Variants in DIP2A observed in about 807,000 individuals in gnomAD.
DIP2A encodes DIP2 acetate--CoA ligase A, also known as disco-interacting protein 2 homolog A.
In DIP2A, 85 loss-of-function variants were observed where a neutral mutation model predicts 177.4. The observed-to-expected ratio is 0.48, with a 90% CI of 0.40 to 0.57. DIP2A has a LOEUF of 0.57. DIP2A is among the 20% of genes least tolerant of loss of function. The pLI, the probability that DIP2A is intolerant of heterozygous loss-of-function variation, is 0.00. For missense variants in DIP2A, 1,791 were observed against 2,100.2 expected (o/e 0.85, Z 2.88); for synonymous variants, 886 against 881.8 (o/e 1.00, Z -0.08).
intron 1 of DIP2A, among the ~76,000 whole-genome samples, chr21:46,473,466 A>AG (rs1324772005): frequency 5.1e-5 from 7 of 137,474 alleles, no homozygotes; most frequent in East Asian, 2.6e-4. Context: ...GGGAAAAAAA[A>AG]AGGGGGGGGG....
intron 5 of DIP2A, among the ~76,000 whole-genome samples, chr21:46,500,263 C>T (rs955622248): frequency 2.0e-5 from 3 of 152,168 alleles, no homozygotes; most frequent in African/African-American, 7.2e-5. Context: ...AAAGGAACTG[C>T]CAAGACTACA....
intron 3 of DIP2A, 62 bp downstream of exon 3, chr21:46,490,781 A>G (rs374672163): frequency 5.4e-6 from 8 of 1,477,074 alleles, no homozygotes; most frequent in Non-Finnish European, 7.2e-6. Context: ...GACTCTTGCC[A>G]TGAAGTCTTC....
intron 16 of DIP2A, 77 bp from the exon 17 acceptor site, chr21:46,539,800 C>G (rs1490786691): frequency 8.0e-7 from 1 of 1,254,082 alleles, no homozygotes; most frequent in South Asian, 1.2e-5. Flanking sequence ...GCTGCGCTAA[C>G]TTGAGCATGT....
chr21:46,539,477 C>T (rs1285449033), intron 16 of DIP2A: 4 of 319,222 alleles, frequency 1.3e-5, no homozygotes, highest in Non-Finnish European at 2.5e-5. Context: ...TGCGTCTCCA[C>T]CCCAGGCGCA....
intron 8 of DIP2A, among the ~76,000 whole-genome samples, chr21:46,520,785 T>A (rs1454536963): frequency 6.6e-6 from 1 of 152,216 alleles, no homozygotes; most frequent in Non-Finnish European, 1.5e-5. Context: ...CACAAACCAA[T>A]AACATATTTA....
chr21:46,513,015 A>G (rs898668615), intron 8 of DIP2A, among the ~76,000 whole-genome samples: 2 of 151,984 alleles, frequency 1.3e-5, no homozygotes, highest in Non-Finnish European at 2.9e-5. Flanking sequence ...ATGTTTTGCA[A>G]ATGTCTCCTC....
At chr21:46,490,457 C>G in intron 2 of DIP2A, 143 bp from the exon 3 acceptor site, 3 of 986,790 alleles carry the variant, frequency 3.0e-6, no homozygotes, top group Non-Finnish European at 4.4e-6. Context: ...AGCATTTATG[C>G]GTCTATCACT....
At position 46,560,788 on chromosome 21, in the gene DIP2A, T is replaced by C; in HGVS notation, c.4031+5T>C. 6.2e-7 allele frequency: 1 copy of C among 1,603,110 alleles called. No homozygotes were observed. The highest frequency in any genetic ancestry group is 8.5e-7 in the Non-Finnish European group (1 of 1,175,164). ...GCGGGCACTGCGCCATGACAGGTAA[T>C]GCTCCCAGCCTGCCTGGGCCCCATG... On this transcript the variant is annotated splice_donor_5th_base_variant and intron_variant, in intron 33 of 37. Transcript: ENST00000417564.
intron 8 of DIP2A, among the ~76,000 whole-genome samples, chr21:46,513,932 G>T (rs4819261): frequency 0.16 from 24,272 of 152,002 alleles, 2,199 homozygotes; most frequent in African/African-American, 0.21. Context: ...TACAATTATG[G>T]AATCTTCCAG....
chr21:46,573,661 AAAAAAAAAAAAAAAAAAAAAAAGAT>A, downstream of DIP2A, among the ~76,000 whole-genome samples: 1 of 112,270 alleles, frequency 8.9e-6, no homozygotes, highest in African/African-American at 3.2e-5. Context: ...AAAAAAAAAA[AAAAAAAAAAAAAAAAAAAAAAAGAT>A]ATTCCATGCA....
chr21:46,480,254 C>T (rs1055819535), intron 1 of DIP2A, among the ~76,000 whole-genome samples: 1 of 152,084 alleles, frequency 6.6e-6, no homozygotes, highest in Non-Finnish European at 1.5e-5. Context: ...AGCAAAGGGA[C>T]GTCCTACGTG....
intron 5 of DIP2A, among the ~76,000 whole-genome samples, chr21:46,499,981 G>A (rs2057561444): frequency 6.6e-6 from 1 of 152,228 alleles, no homozygotes; most frequent in African/African-American, 2.4e-5. Context: ...ACACGCTGGT[G>A]TTTGTGCTGG....
At chr21:46,493,412 C>T (rs969296883) in intron 3 of DIP2A, among the ~76,000 whole-genome samples, 1 of 152,116 alleles carries the variant, frequency 6.6e-6, no homozygotes, top group Non-Finnish European at 1.5e-5. Context: ...GTTTCTTGCT[C>T]TCTTTTCGTG....
Position 46,560,728 on chromosome 21 carries a change from G to T in DIP2A, c.3976G>T (p.Ala1326Ser). Residue 1326 changes from alanine (A) to serine (S), a missense_variant, in exon 33 of 38, where the codon GCT becomes TCT. Transcript: ENST00000417564. ...VNVAICLQGTAGPDPTTVYVD... is the reference protein window; with the variant it reads ...VNVAICLQGTSGPDPTTVYVD... ...TCTGCTGCTCTCCTTCCAGGGCACA[G>T]CTGGCCCGGACCCCACAACCGTCTA... The T allele has an allele frequency of 6.2e-7, 1 of 1,607,976 alleles. No homozygotes were observed. Among genetic ancestry groups the T allele is most frequent in the Non-Finnish European group, 8.5e-7 (1 of 1,177,440 alleles).
At chr21:46,506,773 TTTTC>T (rs2058028167) in intron 6 of DIP2A, among the ~76,000 whole-genome samples, 1 of 131,088 alleles carries the variant, frequency 7.6e-6, no homozygotes, top group Non-Finnish European at 1.7e-5. Context: ...TCTTTCTTTC[TTTTC>T]TTTTCTTTCT....
At chr21:46,516,464 C>G (rs28702984) in intron 8 of DIP2A, among the ~76,000 whole-genome samples, 39,911 of 122,712 alleles carry the variant, frequency 0.33, 6,983 homozygotes, top group Middle Eastern at 0.44. Context: ...TATTCAAATT[C>G]TTTAATCTTG....
chr21:46,554,375 C>A, intron 26 of DIP2A, 83 bp downstream of exon 26: 2 of 1,571,450 alleles, frequency 1.3e-6, no homozygotes, highest in South Asian at 2.4e-5. Context: ...ACTCCCTCCC[C>A]GAAGCATCTT....
Position 46,509,265 on chromosome 21 carries a change from G to C in DIP2A, c.793G>C (p.Val265Leu). ...TGTCCTTCCCGTGACAGGTGTCCCT[G>C]TGAACAGCAGAGTGTCCTCCAAAAT... ...SMLETADGVP[V>L]NSRVSSKIQQ... The change falls in exon 7 of 38, where the codon GTG becomes CTG. Residue 265 changes from valine to leucine, a missense_variant. Val to Leu is a conservative substitution (Grantham distance 32, BLOSUM62 1). Transcript: ENST00000417564. The C allele has an allele frequency of 6.2e-7, 1 of 1,612,968 alleles. No individual in the cohort carries two copies. Among genetic ancestry groups the C allele is most frequent in the Non-Finnish European group, 8.5e-7 (1 of 1,179,486 alleles).
chr21:46,459,274 C>T, intron 1 of DIP2A, 52 bp downstream of exon 1: 1 of 1,438,880 alleles, frequency 6.9e-7, no homozygotes, highest in South Asian at 1.3e-5. Flanking sequence ...GCCCGGTCCC[C>T]CGCGCAGCCC....
Sources: gnomAD v4.1 joint callset for allele counts (sites outside exome capture counted in the v4.1 genomes callset) on GRCh38, gnomAD v4.1.1 for gene constraint, MANE v1.5 for transcripts, NCBI Gene and HGNC (gene_info 2026-07-23, HGNC 2026-07-21) for gene names.